The following AKAP6 variants were observed in gnomAD, a reference collection of about 807,000 sequenced individuals.
The protein encoded by AKAP6 is A-kinase anchoring protein 6.
A neutral mutation model predicts 188.5 loss-of-function variants in AKAP6; 58 were observed. The ratio of observed to expected loss-of-function variants is 0.31; its 90% CI spans 0.25 to 0.38. The LOEUF (loss-of-function observed/expected upper bound fraction) is 0.38, where lower values mean the gene tolerates loss of function less well. Ranked by LOEUF, AKAP6 falls within the 10% of genes least tolerant of loss-of-function variation. AKAP6 has a pLI of 1.00. For synonymous variants in AKAP6, 989 were observed against 998.6 expected (o/e 0.99, Z 0.18); for missense variants, 2,710 against 2,740.0 (o/e 0.99, Z 0.24).
chr14:32,701,023 A>C lies in AKAP6; in HGVS notation c.3000+4913A>C, dbSNP rs182997561. ...AATTTATACTAAAGATTTTGTACTTAATTTTGTAGGTTAGTTACTCATATG... is the reference window on the plus strand; with the variant it reads ...AATTTATACTAAAGATTTTGTACTTCATTTTGTAGGTTAGTTACTCATATG... On this transcript the variant is annotated intron_variant, in intron 9 of 13. Transcript: ENST00000280979. Among the ~76,000 whole-genome samples the C allele has an allele frequency of 2.6e-4, 40 of 152,244 alleles. No homozygotes were observed. The East Asian group carries it at 7.3e-3, about 28-fold the overall frequency.
At chr14:32,687,084 A>T (rs1889957972) in intron 8 of AKAP6, among the ~76,000 whole-genome samples, 1 of 152,204 alleles carries the variant, frequency 6.6e-6, no homozygotes, top group South Asian at 2.1e-4. Context: ...TTATAGGCTA[A>T]AAGTTTGGCA....
intron 11 of AKAP6, among the ~76,000 whole-genome samples, chr14:32,755,703 T>A (rs2032306814): frequency 6.6e-6 from 1 of 152,100 alleles, no homozygotes; most frequent in African/African-American, 2.4e-5. Context: ...ACTTTTTGAA[T>A]TTTTTGTACA....
chr14:32,704,093 AAGT>A (rs1364656078), intron 9 of AKAP6, among the ~76,000 whole-genome samples: 1 of 152,176 alleles, frequency 6.6e-6, no homozygotes, highest in Non-Finnish European at 1.5e-5. Context: ...TAAAGGTTAA[AAGT>A]AATCAATATC....
intron 1 of AKAP6, among the ~76,000 whole-genome samples, chr14:32,374,765 G>A (rs1473167700): frequency 2.0e-5 from 3 of 152,086 alleles, no homozygotes; most frequent in Non-Finnish European, 2.9e-5. Flanking sequence ...TGCTAAACTT[G>A]TTTAATCACC....
At chr14:32,704,006 C>T (rs1412475182) in intron 9 of AKAP6, among the ~76,000 whole-genome samples, 1 of 152,162 alleles carries the variant, frequency 6.6e-6, no homozygotes, top group African/African-American at 2.4e-5. Context: ...CATTTGAATT[C>T]TCCTGAAGGC....
intron 12 of AKAP6, among the ~76,000 whole-genome samples, chr14:32,817,411 A>G (rs1435795487): frequency 2.6e-5 from 4 of 151,710 alleles, no homozygotes; most frequent in African/African-American, 9.7e-5. Flanking sequence ...ATAAACTAGC[A>G]TTATTTAATT....
chr14:32,506,368 C>T (rs1421207460), intron 2 of AKAP6, among the ~76,000 whole-genome samples: 1 of 152,068 alleles, frequency 6.6e-6, no homozygotes, highest in Non-Finnish European at 1.5e-5. Context: ...TGTCTAGATA[C>T]TCACATATGC....
At chr14:32,378,917 CTTTT>C (rs56131134) in intron 1 of AKAP6, among the ~76,000 whole-genome samples, 33 of 117,716 alleles carry the variant, frequency 2.8e-4, no homozygotes, top group Non-Finnish European at 2.9e-4. Flanking sequence ...GTCTTTCTTC[CTTTT>C]TTTTTTTTTT....
chr14:32,487,099 G>T (rs547147118), intron 2 of AKAP6, among the ~76,000 whole-genome samples: 1 of 152,192 alleles, frequency 6.6e-6, no homozygotes, highest in Non-Finnish European at 1.5e-5. Flanking sequence ...CATTGGTTCT[G>T]TTTATGTGAT....
chr14:32,633,977 CTA>C lies in AKAP6; in HGVS notation c.2730+33188_2730+33189del, dbSNP rs1170889649. Among the ~76,000 whole-genome samples, 6 of 152,150 alleles carry C rather than the reference CTA, an allele frequency of 3.9e-5. No homozygotes were observed. In the South Asian group the frequency reaches 1.2e-3, roughly 32 times the overall value. The stretch of plus-strand genomic sequence containing the variant: ...AAACTTGTCTATTTCCAAGGCAAGC[CTA>C]TAGTCTAATTTCTGTGTCAAACTTA... On this transcript the variant is annotated intron_variant, in intron 7 of 13. Transcript: ENST00000280979.
At chr14:32,573,548 G>A (rs1282553621) in intron 4 of AKAP6, among the ~76,000 whole-genome samples, 2 of 152,024 alleles carry the variant, frequency 1.3e-5, no homozygotes, top group African/African-American at 4.8e-5. Flanking sequence ...TCAGGCCTTA[G>A]ACATGCTATA....
At chr14:32,780,347 AAAAG>A (rs1166222214) in intron 12 of AKAP6, among the ~76,000 whole-genome samples, 3 of 152,038 alleles carry the variant, frequency 2.0e-5, no homozygotes, top group Non-Finnish European at 2.9e-5. Flanking sequence ...TAAAAAGAAA[AAAAG>A]AAAGAAACAG....
intron 2 of AKAP6, among the ~76,000 whole-genome samples, chr14:32,488,139 C>T (rs1426041230): frequency 6.6e-6 from 1 of 152,228 alleles, no homozygotes; most frequent in African/African-American, 2.4e-5. Flanking sequence ...GCTACCCCTT[C>T]CCCCAGGTGC....
At chr14:32,632,819 T>C (rs1180206893) in intron 7 of AKAP6, among the ~76,000 whole-genome samples, 2 of 152,144 alleles carry the variant, frequency 1.3e-5, no homozygotes, top group Non-Finnish European at 2.9e-5. Flanking sequence ...GAAATGACTT[T>C]CTAAGAACAT....
At chr14:32,348,403 CTTTTCTTTTGTTTCTTTTT>C (rs1480164130) in intron 1 of AKAP6, among the ~76,000 whole-genome samples, 3 of 125,606 alleles carry the variant, frequency 2.4e-5, no homozygotes, top group African/African-American at 9.1e-5. Context: ...GGGGTTCTTT[CTTTTCTTTTGTTTCTTTTT>C]TTTTTTTTTT....
At chr14:32,600,560 C>A in intron 6 of AKAP6, 69 bp from the exon 7 acceptor site, 1 of 1,434,630 alleles carries the variant, frequency 7.0e-7, no homozygotes. Context: ...ATCTAATTTA[C>A]TAAATAAAAA....
chr14:32,830,193 C>G lies in AKAP6; in HGVS notation c.*388C>G. ...ACCAACTGGTAGTCCATTAAATTCT[C>G]CTGTCTAGAATGACCCCCCCACCAG... is the stretch of plus-strand genomic sequence containing the variant. On this transcript the variant is annotated 3_prime_UTR_variant, in exon 14 of 14. Coordinates refer to ENST00000280979, the MANE Select transcript of AKAP6 (RefSeq NM_004274.5). 1 of 503,786 alleles carries G rather than the reference C, an allele frequency of 2.0e-6. No homozygotes were observed. The highest frequency in any genetic ancestry group is 3.5e-6 in the Non-Finnish European group (1 of 285,306). 31.2% of individuals were successfully genotyped at this position (503,786 alleles called of 1,614,324 possible).
chr14:32,794,758 C>T (rs374124894), intron 12 of AKAP6, among the ~76,000 whole-genome samples: 32 of 152,076 alleles, frequency 2.1e-4, no homozygotes, highest in Middle Eastern at 6.8e-3. Flanking sequence ...ACAAGCAAAC[C>T]GCAAAGCTAG....
chr14:32,542,159 C>G (rs1882983352), intron 3 of AKAP6, among the ~76,000 whole-genome samples: 1 of 152,136 alleles, frequency 6.6e-6, no homozygotes, highest in Non-Finnish European at 1.5e-5. Context: ...TAAAGCTTAG[C>G]AACATCAAGC....
Sources: gnomAD v4.1 joint callset for allele counts (sites outside exome capture counted in the v4.1 genomes callset) on GRCh38, gnomAD v4.1.1 for gene constraint, MANE v1.5 for transcripts, NCBI Gene and HGNC (gene_info 2026-07-23, HGNC 2026-07-21) for gene names.